The following MAPK10 variants were observed in gnomAD, a reference collection of about 807,000 sequenced individuals.
MAPK10 encodes the protein JNK3 alpha protein kinase.
Under a neutral mutation model 59.3 loss-of-function variants are expected in MAPK10, and 25 were observed. The ratio of observed to expected loss-of-function variants is 0.42; its 90% CI spans 0.31 to 0.59. The LOEUF (loss-of-function observed/expected upper bound fraction) is 0.59, where lower values mean the gene tolerates loss of function less well. Ranked by LOEUF, MAPK10 falls within the 20% of genes least tolerant of loss-of-function variation. The pLI is 0.15. For synonymous variants in MAPK10, 190 were observed against 200.5 expected (o/e 0.95, Z 0.44); for missense variants, 351 against 568.9 (o/e 0.62, Z 3.90).
At chr4:86,355,447 CT>C (rs1733949524) in intron 1 of MAPK10, among the ~76,000 whole-genome samples, 1 of 152,146 alleles carries the variant, frequency 6.6e-6, no homozygotes, top group African/African-American at 2.4e-5. Flanking sequence ...AGGTAAATTC[CT>C]TTCTCCTCTG....
intron 1 of MAPK10, among the ~76,000 whole-genome samples, chr4:86,540,364 G>A (rs1342348806): frequency 1.3e-5 from 2 of 152,156 alleles, no homozygotes; most frequent in Non-Finnish European, 2.9e-5. Context: ...GCCGGGTATG[G>A]TGTCGCACAC....
At chr4:86,157,249 G>A (rs2068077632) in intron 4 of MAPK10, among the ~76,000 whole-genome samples, 2 of 151,940 alleles carry the variant, frequency 1.3e-5, no homozygotes, top group Non-Finnish European at 2.9e-5. Flanking sequence ...CAAGTTAGGA[G>A]GATGGAGATT....
At chr4:86,259,389 C>A (rs1357798522) in intron 2 of MAPK10, among the ~76,000 whole-genome samples, 1 of 152,042 alleles carries the variant, frequency 6.6e-6, no homozygotes, top group East Asian at 1.9e-4. Flanking sequence ...TCCAACCTAC[C>A]ATAGCCTTTC....
chr4:86,318,966 C>A (rs551533182), intron 2 of MAPK10, among the ~76,000 whole-genome samples: 2 of 152,066 alleles, frequency 1.3e-5, no homozygotes, highest in Non-Finnish European at 2.9e-5. Context: ...AGTAGAAAGG[C>A]GGAGTTTTCT....
chr4:86,443,373 A>G (rs755049860), intron 1 of MAPK10, among the ~76,000 whole-genome samples: 2 of 151,840 alleles, frequency 1.3e-5, no homozygotes, highest in African/African-American at 4.8e-5. Context: ...AACTTACTAG[A>G]GTTTTATCAG....
chr4:86,357,205 TG>T (rs1488494175), intron 1 of MAPK10, among the ~76,000 whole-genome samples: 1 of 152,174 alleles, frequency 6.6e-6, no homozygotes, highest in Non-Finnish European at 1.5e-5. Context: ...CCAATTCCAC[TG>T]AAAGTCCTTT....
Position 86,056,859 on chromosome 4 carries a change from A to G in MAPK10, c.1110+7407T>C, listed in dbSNP as rs7697197. 4.4e-3 allele frequency among the ~76,000 whole-genome samples: 663 copies of G among 149,878 alleles called. 70 individuals are homozygous for G. The highest frequency in any genetic ancestry group is 0.016 in the African/African-American group (641 of 40,234). On this transcript the variant is annotated intron_variant, in intron 11 of 13. Transcript: ENST00000641462. ...GTATACTTTTATGTTTAGTATAGCAACTTTAGGATTCTTTGGTTTTCAGTA... is the reference window on the plus strand; with the variant it reads ...GTATACTTTTATGTTTAGTATAGCAGCTTTAGGATTCTTTGGTTTTCAGTA...
At chr4:86,054,443 T>C (rs1317557290) in intron 11 of MAPK10, among the ~76,000 whole-genome samples, 1 of 152,138 alleles carries the variant, frequency 6.6e-6, no homozygotes, top group East Asian at 1.9e-4. Flanking sequence ...CAAAATCTAA[T>C]GAAGCTATAT....
At chr4:86,418,353 G>A (rs746887393) in intron 1 of MAPK10, among the ~76,000 whole-genome samples, 52 of 152,054 alleles carry the variant, frequency 3.4e-4, no homozygotes, top group Non-Finnish European at 4.0e-4. Flanking sequence ...CTAAACTTGT[G>A]TACTTTTTTT....
chr4:86,278,190 A>G (rs2094657088), intron 2 of MAPK10, among the ~76,000 whole-genome samples: 1 of 152,170 alleles, frequency 6.6e-6, no homozygotes, highest in Non-Finnish European at 1.5e-5. Context: ...CTAATAGCCA[A>G]ATTGGTCTGA....
intron 4 of MAPK10, among the ~76,000 whole-genome samples, chr4:86,140,881 A>C (rs1049831795): frequency 1.3e-5 from 2 of 152,154 alleles, no homozygotes; most frequent in Non-Finnish European, 2.9e-5. Flanking sequence ...GATGCACAAT[A>C]AATACTTTGC....
chr4:86,469,280 T>C (rs1324224122), intron 1 of MAPK10, among the ~76,000 whole-genome samples: 1 of 152,032 alleles, frequency 6.6e-6, no homozygotes, highest in East Asian at 1.9e-4. Flanking sequence ...ACAAAAAGAA[T>C]TGTGATCAAT....
intron 1 of MAPK10, among the ~76,000 whole-genome samples, chr4:86,379,419 A>C (rs1488285602): frequency 6.6e-6 from 1 of 152,186 alleles, no homozygotes; most frequent in African/African-American, 2.4e-5. Context: ...TTCTGTTGGG[A>C]ATAGGCCCCC....
At position 86,349,195 on chromosome 4, in the gene MAPK10, C is replaced by G. The variant is rs1564617767; in HGVS notation, c.-7+5335G>C. On this transcript the variant is annotated intron_variant, in intron 2 of 13. Coordinates refer to ENST00000641462, the MANE Select transcript of MAPK10 (RefSeq NM_138982.4). ...GATTGGCAAACAACATAGGCTATTA[C>G]CTAACCTATTTAAATAAGATTATGG... Among the ~76,000 whole-genome samples the G allele has an allele frequency of 7.2e-5, 11 of 152,306 alleles. No homozygotes were observed. In the East Asian group the frequency reaches 2.1e-3, roughly 29 times the overall value.
intron 1 of MAPK10, among the ~76,000 whole-genome samples, chr4:86,430,028 GCA>G: frequency 6.6e-6 from 1 of 152,004 alleles, no homozygotes; most frequent in South Asian, 2.1e-4. Context: ...ATAAGAAATG[GCA>G]AGTCTCTTTT....
intron 2 of MAPK10, among the ~76,000 whole-genome samples, chr4:86,275,811 G>C (rs2094559509): frequency 6.6e-6 from 1 of 151,886 alleles, no homozygotes; most frequent in Non-Finnish European, 1.5e-5. Context: ...CCCATGATAA[G>C]GCTAAAACAT....
At chr4:86,109,772 AATG>A (rs1183577854) in intron 4 of MAPK10, among the ~76,000 whole-genome samples, 1 of 152,172 alleles carries the variant, frequency 6.6e-6, no homozygotes, top group Admixed American at 6.5e-5. Context: ...TGCTGGGTCA[AATG>A]ATATTTCTGG....
At chr4:86,468,388 A>T (rs1486636117) in intron 1 of MAPK10, among the ~76,000 whole-genome samples, 1 of 152,170 alleles carries the variant, frequency 6.6e-6, no homozygotes, top group African/African-American at 2.4e-5. Flanking sequence ...GGCTCTCCTT[A>T]CTAAGTCTGG....
intron 2 of MAPK10, among the ~76,000 whole-genome samples, chr4:86,308,443 C>T (rs967168294): frequency 4.6e-5 from 7 of 152,100 alleles, no homozygotes; most frequent in African/African-American, 1.7e-4. Flanking sequence ...TGCTGAATTG[C>T]TGTCTTGAAG....
Sources: gnomAD v4.1 joint callset for allele counts (sites outside exome capture counted in the v4.1 genomes callset) on GRCh38, gnomAD v4.1.1 for gene constraint, MANE v1.5 for transcripts, NCBI Gene and HGNC (gene_info 2026-07-23, HGNC 2026-07-21) for gene names.